The following C2orf42 variants were observed in gnomAD, a reference collection of about 807,000 sequenced individuals.
C2orf42 encodes the protein chromosome 2 open reading frame 42.
In C2orf42, 44 loss-of-function variants were observed where a neutral mutation model predicts 58.9. That is an observed-to-expected ratio of 0.75 (90% CI 0.59 to 0.96). The LOEUF (loss-of-function observed/expected upper bound fraction) is 0.96. Ranked by LOEUF, C2orf42 falls within the 40% of genes least tolerant of loss-of-function variation. The pLI is 0.00. For missense variants in C2orf42, 630 were observed against 699.2 expected (o/e 0.90, Z 1.12); for synonymous variants, 239 against 265.4 (o/e 0.90, Z 0.97).
intron 1 of C2orf42, among the ~76,000 whole-genome samples, chr2:70,188,717 A>G (rs1183577866): frequency 6.6e-6 from 1 of 152,196 alleles, no homozygotes; most frequent in East Asian, 1.9e-4. Context: ...AATCCAAGAT[A>G]CCACATTGCA....
At chr2:70,176,517 T>C (rs1023349448) in intron 4 of C2orf42, among the ~76,000 whole-genome samples, 20 of 151,680 alleles carry the variant, frequency 1.3e-4, no homozygotes, top group Non-Finnish European at 2.2e-4. Flanking sequence ...AAAAAAAAAA[T>C]TATTTGTTAA....
At chr2:70,150,596 C>A in intron 9 of C2orf42, 32 bp from the exon 10 acceptor site, 1 of 1,521,460 alleles carries the variant, frequency 6.6e-7, no homozygotes, top group Non-Finnish European at 9.1e-7. Context: ...TAGTACAATT[C>A]CACCTAACTC....
intron 1 of C2orf42, 101 bp downstream of exon 1, chr2:70,190,872 C>G (rs1238264798): frequency 6.6e-6 from 1 of 152,614 alleles, no homozygotes; most frequent in Non-Finnish European, 1.5e-5. Context: ...GCTCTACACC[C>G]CTGCCCCACC....
At chr2:70,185,983 T>A (rs1332525761) in intron 1 of C2orf42, among the ~76,000 whole-genome samples, 2 of 118,916 alleles carry the variant, frequency 1.7e-5, no homozygotes, top group East Asian at 2.4e-4. Context: ...GCAGGCCCCA[T>A]CCCTAATTGT....
chr2:70,175,743 A>G lies in C2orf42; in HGVS notation c.969T>C (p.Asp323=). 1 of 1,611,646 alleles carries G rather than the reference A, an allele frequency of 6.2e-7. No individual in the cohort carries two copies. Among genetic ancestry groups the G allele is most frequent in the South Asian group, 1.1e-5 (1 of 91,034 alleles). ...TTTTCCTTAGATTACTGCTCACTGC[A>G]TCTTGAGGCAGTAGTGAACTGTTCA... ...AQMNSSLLPQ[D]AVSSNLRKSG... is the part of the protein sequence containing the mutation. The change falls in exon 5 of 10, where the codon GAT becomes GAC. Residue 323 remains aspartate (D), a synonymous_variant. Coordinates refer to ENST00000264434, the MANE Select transcript of C2orf42 (RefSeq NM_017880.3).
chr2:70,169,698 G>T, intron 5 of C2orf42, 37 bp from the exon 6 acceptor site: 1 of 923,108 alleles, frequency 1.1e-6, no homozygotes, highest in Non-Finnish European at 1.8e-6. Context: ...CACTTCTTTA[G>T]TAACTTTTCT....
At chr2:70,171,063 C>T (rs372023077) in intron 5 of C2orf42, among the ~76,000 whole-genome samples, 8 of 151,156 alleles carry the variant, frequency 5.3e-5, no homozygotes, top group Non-Finnish European at 8.9e-5. Flanking sequence ...TGCAGTGAGC[C>T]GAGATTGTGC....
intron 3 of C2orf42, 109 bp from the exon 4 acceptor site, chr2:70,179,751 T>C: frequency 2.2e-6 from 1 of 463,738 alleles, no homozygotes; most frequent in East Asian, 3.2e-5. Context: ...CCCAAACGAA[T>C]TATCCCAGGC....
At chr2:70,178,846 A>G (rs914770856) in intron 4 of C2orf42, among the ~76,000 whole-genome samples, 1 of 145,072 alleles carries the variant, frequency 6.9e-6, no homozygotes, top group African/African-American at 2.6e-5. Context: ...AATTGCTTGA[A>G]CCCGGGAGGC....
At chr2:70,170,849 C>T (rs1475680684) in intron 5 of C2orf42, among the ~76,000 whole-genome samples, 1 of 152,006 alleles carries the variant, frequency 6.6e-6, no homozygotes, top group East Asian at 1.9e-4. Context: ...GGCTTGGTGG[C>T]TCACGCCTGT....
chr2:70,165,253 T>C (rs1673321261), intron 7 of C2orf42, 61 bp from the exon 8 acceptor site: 1 of 981,318 alleles, frequency 1.0e-6, no homozygotes. Context: ...TTTTGTTGTA[T>C]TTGTTACCTA....
At chr2:70,164,970 T>C in intron 8 of C2orf42, 122 bp downstream of exon 8, 1 of 498,096 alleles carries the variant, frequency 2.0e-6, no homozygotes, top group Admixed American at 3.3e-5. Flanking sequence ...GAATATCTCT[T>C]AGCATGAAAA....
In C2orf42 at chr2:70,181,752, C is replaced by T; in HGVS notation, c.234G>A (p.Arg78=). Residue 78 remains arginine, a synonymous_variant, in exon 3 of 10, where the codon CGG becomes CGA. Transcript: ENST00000264434. The part of the protein sequence containing the change: ...TGSDLQVYSV[R]QRDRGPDYRC... ...GGTAATCAGGGCCCCGGTCTCTTTG[C>T]CGCACTGAGTAGACCTGAAGATCAG... 6.2e-7 allele frequency: 1 copy of T among 1,614,136 alleles called. No homozygotes were observed. Among genetic ancestry groups the T allele is most frequent in the Non-Finnish European group, 8.5e-7 (1 of 1,180,008 alleles).
intron 9 of C2orf42, among the ~76,000 whole-genome samples, chr2:70,154,174 A>G (rs1180960528): frequency 6.6e-6 from 1 of 151,978 alleles, no homozygotes; most frequent in African/African-American, 2.4e-5. Flanking sequence ...CATTAAGGAG[A>G]GCTCAGACTG....
At chr2:70,160,513 GTGAA>G (rs1672986064) in intron 9 of C2orf42, 108 bp downstream of exon 9, 1 of 677,596 alleles carries the variant, frequency 1.5e-6, no homozygotes, top group African/African-American at 1.9e-5. Context: ...CCTTTACAAG[GTGAA>G]TGAATGTGTC....
At chr2:70,171,762 G>A (rs915215811) in intron 5 of C2orf42, among the ~76,000 whole-genome samples, 2 of 151,590 alleles carry the variant, frequency 1.3e-5, no homozygotes, top group East Asian at 2.0e-4. Flanking sequence ...CAACCACCTC[G>A]GCCTCCCAAA....
chr2:70,160,399 TCCC>T (rs2104859976), intron 9 of C2orf42, among the ~76,000 whole-genome samples: 1 of 152,276 alleles, frequency 6.6e-6, no homozygotes, highest in Non-Finnish European at 1.5e-5. Context: ...TGTCTTGGCC[TCCC>T]AAAGTGCTGG....
At chr2:70,160,348 G>A (rs556625296) in intron 9 of C2orf42, among the ~76,000 whole-genome samples, 38 of 152,084 alleles carry the variant, frequency 2.5e-4, no homozygotes, top group African/African-American at 8.2e-4. Context: ...CACCATGTTG[G>A]CCAGGCTGGT....
chr2:70,184,963 A>C (rs1674834646), intron 1 of C2orf42, among the ~76,000 whole-genome samples: 1 of 151,518 alleles, frequency 6.6e-6, no homozygotes, highest in African/African-American at 2.4e-5. Flanking sequence ...GGTGGCGGGC[A>C]CCTGTAGTCC....
Sources: gnomAD v4.1 joint callset for allele counts (sites outside exome capture counted in the v4.1 genomes callset) on GRCh38, gnomAD v4.1.1 for gene constraint, MANE v1.5 for transcripts, NCBI Gene and HGNC (gene_info 2026-07-23, HGNC 2026-07-21) for gene names.